The following RBFOX1 variants were observed in gnomAD, a reference collection of about 807,000 sequenced individuals.
RBFOX1 encodes the protein RNA binding protein fox-1 homolog 1.
RBFOX1 carries 8 observed loss-of-function variants against 57.7 expected under a neutral mutation model. The ratio of observed to expected loss-of-function variants is 0.14; its 90% CI spans 0.08 to 0.25. The LOEUF (loss-of-function observed/expected upper bound fraction) is 0.25. RBFOX1 is among the 10% of genes least tolerant of loss of function. RBFOX1 has a pLI of 1.00. For synonymous variants in RBFOX1, 326 were observed against 222.4 expected (o/e 1.47, Z -4.15); for missense variants, 611 against 548.5 (o/e 1.11, Z -1.14).
chr16:7,559,860 C>G (rs538377965), intron 5 of RBFOX1, among the ~76,000 whole-genome samples: 1 of 152,252 alleles, frequency 6.6e-6, no homozygotes, highest in South Asian at 2.1e-4. Flanking sequence ...GGAAGAAAGG[C>G]CTTTAGGGAT....
At chr16:7,122,763 G>A (rs941054426) in intron 4 of RBFOX1, among the ~76,000 whole-genome samples, 2 of 152,166 alleles carry the variant, frequency 1.3e-5, no homozygotes, top group Non-Finnish European at 2.9e-5. Flanking sequence ...ACATGTACAT[G>A]TCTGTGTATA....
chr16:6,957,799 C>G (rs1418095359), intron 3 of RBFOX1, among the ~76,000 whole-genome samples: 2 of 152,098 alleles, frequency 1.3e-5, no homozygotes, highest in Admixed American at 1.3e-4. Flanking sequence ...TTAGGGAAAG[C>G]CAGGCATCTC....
At chr16:5,648,486 G>A (rs572924555) in intron 3 of RBFOX1, among the ~76,000 whole-genome samples, 1 of 152,258 alleles carries the variant, frequency 6.6e-6, no homozygotes, top group East Asian at 1.9e-4. Context: ...AGGGGAATTT[G>A]GCAATGTCCA....
At position 7,615,310 on chromosome 16, in the gene RBFOX1, G is replaced by T. The variant is rs571029141; in HGVS notation, c.676+7972G>T. Among the ~76,000 whole-genome samples, 3 of 149,588 alleles carry T rather than the reference G, an allele frequency of 2.0e-5. No homozygotes were observed. In the South Asian group the frequency reaches 6.4e-4, roughly 32 times the overall value. ...ATCGTGCCACTGCACTCCAGCCTGG[G>T]CAATAGAGCAAGACTCCATCTCAAA... On this transcript the variant is annotated intron_variant, in intron 10 of 15. Transcript: ENST00000550418.
chr16:5,893,120 C>G (rs993374888), intron 4 of RBFOX1, among the ~76,000 whole-genome samples: 1 of 152,184 alleles, frequency 6.6e-6, no homozygotes, highest in African/African-American at 2.4e-5. Flanking sequence ...CATTTTACCT[C>G]ACATTATATC....
chr16:7,622,278 G>C (rs1210488581), intron 10 of RBFOX1, among the ~76,000 whole-genome samples: 1 of 152,052 alleles, frequency 6.6e-6, no homozygotes, highest in Admixed American at 6.6e-5. Context: ...CTATTAAATG[G>C]GTATAAAAAT....
At chr16:5,358,597 G>A (rs2065457631) in intron 1 of RBFOX1, among the ~76,000 whole-genome samples, 1 of 152,172 alleles carries the variant, frequency 6.6e-6, no homozygotes, top group Non-Finnish European at 1.5e-5. Flanking sequence ...GCCAAAGCAG[G>A]TGGATCACCT....
chr16:6,441,947 T>C (rs1298459953), intron 2 of RBFOX1, among the ~76,000 whole-genome samples: 1 of 152,186 alleles, frequency 6.6e-6, no homozygotes, highest in Non-Finnish European at 1.5e-5. Context: ...TTAGGATGAA[T>C]TCCTAGCAAG....
intron 4 of RBFOX1, among the ~76,000 whole-genome samples, chr16:7,479,619 C>T (rs1286013491): frequency 6.6e-6 from 1 of 152,112 alleles, no homozygotes; most frequent in Non-Finnish European, 1.5e-5. Flanking sequence ...CACCACAGCT[C>T]AGAGATGGAA....
intron 3 of RBFOX1, among the ~76,000 whole-genome samples, chr16:6,830,888 C>A (rs888458283): frequency 2.0e-5 from 3 of 152,174 alleles, no homozygotes; most frequent in African/African-American, 7.2e-5. Flanking sequence ...ACCTCCTGGT[C>A]AGGTTGACAT....
chr16:7,500,484 A>C (rs541368840), intron 4 of RBFOX1, among the ~76,000 whole-genome samples: 2 of 152,292 alleles, frequency 1.3e-5, no homozygotes, highest in African/African-American at 4.8e-5. Flanking sequence ...AGTTCATGAG[A>C]TAGAAATGGA....
chr16:6,556,007 C>A (rs1217136065), intron 2 of RBFOX1, among the ~76,000 whole-genome samples: 1 of 151,942 alleles, frequency 6.6e-6, no homozygotes, highest in African/African-American at 2.4e-5. Flanking sequence ...TTTTTTTGTC[C>A]TTGGTAATAT....
intron 3 of RBFOX1, among the ~76,000 whole-genome samples, chr16:6,975,158 TGTGG>T (rs1183309884): frequency 6.6e-6 from 1 of 152,192 alleles, no homozygotes; most frequent in East Asian, 1.9e-4. Context: ...GGACTAGCTC[TGTGG>T]GTTCCTGTGA....
chr16:7,651,430 C>G (rs548355213), intron 11 of RBFOX1, among the ~76,000 whole-genome samples: 48 of 152,286 alleles, frequency 3.2e-4, no homozygotes, highest in African/African-American at 1.1e-3. Flanking sequence ...ATGGTCACCC[C>G]GTCCAACCTC....
intron 14 of RBFOX1, among the ~76,000 whole-genome samples, chr16:7,680,977 CAA>C (rs2074582699): frequency 6.6e-6 from 1 of 152,094 alleles, no homozygotes; most frequent in African/African-American, 2.4e-5. Context: ...AAGCTTAATG[CAA>C]AGAGACCAGG....
At chr16:6,370,312 C>T (rs1044931497) in intron 2 of RBFOX1, among the ~76,000 whole-genome samples, 1 of 119,148 alleles carries the variant, frequency 8.4e-6, no homozygotes, top group Non-Finnish European at 1.6e-5. Flanking sequence ...GAGCCGAGAT[C>T]ATGCCACTGC....
At chr16:6,990,249 T>C (rs966292071) in intron 3 of RBFOX1, among the ~76,000 whole-genome samples, 2 of 152,046 alleles carry the variant, frequency 1.3e-5, no homozygotes, top group Admixed American at 6.6e-5. Flanking sequence ...AGTGGCCAGA[T>C]AGCGGTAGCT....
intron 3 of RBFOX1, among the ~76,000 whole-genome samples, chr16:6,671,421 G>A (rs1603303731): frequency 6.6e-6 from 1 of 152,178 alleles, no homozygotes; most frequent in South Asian, 2.1e-4. Flanking sequence ...AAATATTCAT[G>A]TTCATATTCA....
At chr16:6,305,294 T>C (rs1334070742) in intron 1 of RBFOX1, among the ~76,000 whole-genome samples, 1 of 152,214 alleles carries the variant, frequency 6.6e-6, no homozygotes, top group Admixed American at 6.5e-5. Flanking sequence ...CTGAACATCA[T>C]GCTTAATCTG....
Sources: gnomAD v4.1 joint callset for allele counts (sites outside exome capture counted in the v4.1 genomes callset) on GRCh38, gnomAD v4.1.1 for gene constraint, MANE v1.5 for transcripts, NCBI Gene and HGNC (gene_info 2026-07-23, HGNC 2026-07-21) for gene names.